The following NCK2 variants were observed in gnomAD, a reference collection of about 807,000 sequenced individuals.
The protein encoded by NCK2 is NCK adaptor protein 2.
In NCK2, 16 loss-of-function variants were observed where a neutral mutation model predicts 33.9. That is an observed-to-expected ratio of 0.47 (90% CI 0.32 to 0.72). NCK2 has a LOEUF of 0.72. NCK2 is among the 30% of genes least tolerant of loss of function. The pLI, the probability that NCK2 is intolerant of heterozygous loss-of-function variation, is 0.03. For missense variants in NCK2, 418 were observed against 537.3 expected, an observed-to-expected ratio of 0.78 and a Z score of 2.19; for synonymous variants, 273 against 239.9, an observed-to-expected ratio of 1.14 and a Z score of -1.27.
At chr2:105,769,607 ACCTACTGCACTG>A (rs1405087138) in intron 1 of NCK2, among the ~76,000 whole-genome samples, 4 of 152,164 alleles carry the variant, frequency 2.6e-5, no homozygotes, top group Admixed American at 2.6e-4. Flanking sequence ...CGTGTGGGTG[ACCTACTGCACTG>A]CCCACTGCCC....
chr2:105,766,089 G>A (rs1207445340), intron 1 of NCK2, among the ~76,000 whole-genome samples: 1 of 152,034 alleles, frequency 6.6e-6, no homozygotes, highest in South Asian at 2.1e-4. Context: ...AGTAGAAATC[G>A]CTTTATACTG....
At chr2:105,750,780 C>A (rs188002773) in intron 1 of NCK2, among the ~76,000 whole-genome samples, 36 of 152,298 alleles carry the variant, frequency 2.4e-4, no homozygotes, top group Admixed American at 9.2e-4. Context: ...TTAATTGAGA[C>A]CATGATAAAA....
chr2:105,885,687 G>A (rs1678693464), intron 4 of NCK2, among the ~76,000 whole-genome samples: 1 of 151,634 alleles, frequency 6.6e-6, no homozygotes, highest in Admixed American at 6.6e-5. Flanking sequence ...GCTGCTTTTG[G>A]GACCACACTT....
intron 3 of NCK2, among the ~76,000 whole-genome samples, chr2:105,872,552 A>G (rs956360241): frequency 4.6e-5 from 7 of 152,068 alleles, no homozygotes; most frequent in Non-Finnish European, 7.3e-5. Flanking sequence ...GTGATTCTCT[A>G]TTTCACTAGT....
At chr2:105,750,030 GCAAA>G (rs1451955506) in intron 1 of NCK2, among the ~76,000 whole-genome samples, 3 of 56,034 alleles carry the variant, frequency 5.4e-5, no homozygotes, top group Non-Finnish European at 1.2e-4. Context: ...TGTCTCAAAA[GCAAA>G]CAAACACACA....
At chr2:105,764,864 T>TG (rs1391270432) in intron 1 of NCK2, among the ~76,000 whole-genome samples, 1 of 152,220 alleles carries the variant, frequency 6.6e-6, no homozygotes, top group African/African-American at 2.4e-5. Flanking sequence ...TTTACTAGTT[T>TG]TTCAAATCCT....
At chr2:105,750,465 A>G (rs1252411994) in intron 1 of NCK2, among the ~76,000 whole-genome samples, 1 of 152,206 alleles carries the variant, frequency 6.6e-6, no homozygotes, top group Non-Finnish European at 1.5e-5. Context: ...TCTAGGTTCC[A>G]CAACAGGGCT....
chr2:105,865,256 A>G (rs1167410909), intron 3 of NCK2, among the ~76,000 whole-genome samples: 1 of 152,186 alleles, frequency 6.6e-6, no homozygotes, highest in Non-Finnish European at 1.5e-5. Context: ...GTGCCCGAAT[A>G]TGTTTTTATT....
At chr2:105,808,315 T>TC (rs2104463797) in intron 1 of NCK2, among the ~76,000 whole-genome samples, 1 of 152,382 alleles carries the variant, frequency 6.6e-6, no homozygotes, top group African/African-American at 2.4e-5. Flanking sequence ...GAATGAGGCT[T>TC]TTCCTTTCTT....
chr2:105,799,838 A>G (rs572104593), intron 1 of NCK2, among the ~76,000 whole-genome samples: 5 of 152,262 alleles, frequency 3.3e-5, no homozygotes, highest in South Asian at 4.1e-4. Flanking sequence ...TCTTGCCACT[A>G]TGTTCTTGGC....
intron 1 of NCK2, among the ~76,000 whole-genome samples, chr2:105,804,998 G>A (rs1396439931): frequency 6.6e-6 from 1 of 152,198 alleles, no homozygotes; most frequent in Non-Finnish European, 1.5e-5. Context: ...ACCATAAATG[G>A]GGGAGAAGAG....
chr2:105,775,453 G>C (rs554237494), intron 1 of NCK2, among the ~76,000 whole-genome samples: 27 of 152,152 alleles, frequency 1.8e-4, no homozygotes, highest in African/African-American at 6.0e-4. Flanking sequence ...ACTTCAGATT[G>C]ATCTTGTTTG....
At chr2:105,748,762 C>T (rs1259897674) in intron 1 of NCK2, among the ~76,000 whole-genome samples, 4 of 152,032 alleles carry the variant, frequency 2.6e-5, no homozygotes, top group Middle Eastern at 3.4e-3. Flanking sequence ...GATTCTGAAC[C>T]GCTTGGGGGC....
chr2:105,816,879 C>G (rs749325039), intron 2 of NCK2, among the ~76,000 whole-genome samples: 1 of 152,144 alleles, frequency 6.6e-6, no homozygotes, highest in Non-Finnish European at 1.5e-5. Context: ...TCAGATATTA[C>G]TGACTCTTGA....
rs1689224239 is a variant in NCK2 at position 105,745,075 on chromosome 2, A to G, written c.-264A>G. On this transcript the variant is annotated 5_prime_UTR_variant, in exon 1 of 5. Coordinates refer to ENST00000233154, the MANE Select transcript of NCK2 (RefSeq NM_003581.5). Reference sequence around the variant, plus strand: ...CAAAGAGCGGCGCCTGGGCGGGCGCAGCGCGGCCACCGCCCCGGGACCCGC... The same window carrying G: ...CAAAGAGCGGCGCCTGGGCGGGCGCGGCGCGGCCACCGCCCCGGGACCCGC... 2 of 146,312 alleles carry G rather than the reference A, an allele frequency of 1.4e-5. No homozygotes were observed. Among genetic ancestry groups the G allele is most frequent in the Admixed American group, 6.8e-5 (1 of 14,798 alleles). The allele number at this position is 146,312 out of a possible 1,614,324, so 9.1% of individuals were successfully genotyped here.
chr2:105,869,758 T>TGGG (rs1326975262), intron 3 of NCK2, among the ~76,000 whole-genome samples: 2 of 152,204 alleles, frequency 1.3e-5, no homozygotes, highest in Non-Finnish European at 2.9e-5. Context: ...CAAAAACGCT[T>TGGG]GGGCTCATGG....
At chr2:105,794,493 C>G (rs1029377087) in intron 1 of NCK2, among the ~76,000 whole-genome samples, 3 of 151,992 alleles carry the variant, frequency 2.0e-5, no homozygotes, top group African/African-American at 7.2e-5. Flanking sequence ...AATATAATTG[C>G]AAACCATATA....
chr2:105,835,661 T>C (rs2104536785), intron 2 of NCK2, among the ~76,000 whole-genome samples: 1 of 151,810 alleles, frequency 6.6e-6, no homozygotes, highest in East Asian at 1.9e-4. Context: ...TTCCTGGATC[T>C]GGATTCTTTC....
intron 1 of NCK2, among the ~76,000 whole-genome samples, chr2:105,800,019 A>G (rs974557269): frequency 1.3e-5 from 2 of 152,226 alleles, no homozygotes; most frequent in East Asian, 3.8e-4. Context: ...TGTCATTTGG[A>G]AACACCATCT....
Sources: allele counts gnomAD v4.1 joint callset (sites outside exome capture counted in the v4.1 genomes callset), GRCh38; gene constraint gnomAD v4.1.1; transcripts MANE v1.5; gene names NCBI Gene and HGNC (gene_info 2026-07-23, HGNC 2026-07-21).